The following MAP2K5 variants were observed in gnomAD, a reference collection of about 807,000 sequenced individuals.
MAP2K5 encodes mitogen-activated protein kinase kinase 5, also known as dual specificity mitogen-activated protein kinase kinase 5.
MAP2K5 carries 49 observed loss-of-function variants against 83.1 expected under a neutral mutation model. The observed-to-expected ratio is 0.59, with a 90% CI of 0.47 to 0.75. MAP2K5 has a LOEUF of 0.75. Ranked by LOEUF, MAP2K5 falls within the 30% of genes least tolerant of loss-of-function variation. MAP2K5 has a pLI of 0.00. For synonymous variants in MAP2K5, 202 were observed against 191.8 expected, an observed-to-expected ratio of 1.05 and a Z score of -0.44; for missense variants, 457 against 557.5, an observed-to-expected ratio of 0.82 and a Z score of 1.82.
chr15:67,628,130 T>TTCTCAAAGGAGG, intron 8 of MAP2K5: 1 of 914,544 alleles, frequency 1.1e-6, no homozygotes, highest in Non-Finnish European at 1.7e-6. Context: ...CAAGAGGAGA[T>TTCTCAAAGGAGG]TCTCAAAGAC....
chr15:67,554,996 T>A (rs1218969044), intron 2 of MAP2K5, among the ~76,000 whole-genome samples: 2 of 152,232 alleles, frequency 1.3e-5, no homozygotes, highest in Non-Finnish European at 2.9e-5. Flanking sequence ...CCTGAGGAGC[T>A]GTATTCTTTC....
chr15:67,623,158 G>A (rs932026211), intron 8 of MAP2K5, among the ~76,000 whole-genome samples: 12 of 152,264 alleles, frequency 7.9e-5, no homozygotes, highest in African/African-American at 2.9e-4. Context: ...GGTAGCTTAT[G>A]CCTCATATTT....
At position 67,754,893 on chromosome 15, in the gene MAP2K5, A is replaced by G. The variant is rs116355127; in HGVS notation, c.1134+6292A>G. Among the ~76,000 whole-genome samples, 1,274 of 152,244 alleles carry G rather than the reference A, an allele frequency of 8.4e-3. 19 individuals carry two copies. Among genetic ancestry groups the G allele is most frequent in the African/African-American group, 0.029 (1,220 of 41,540 alleles). On this transcript the variant is annotated intron_variant, in intron 19 of 21. Coordinates refer to ENST00000178640, the MANE Select transcript of MAP2K5 (RefSeq NM_145160.3). The stretch of plus-strand genomic sequence containing the variant: ...GAAGGTTTGACATGTTGAAATCTGT[A>G]TTTTTTTCTAAGACAGTTCTGTTGA...
At chr15:67,621,425 CA>C (rs1470685713) in intron 8 of MAP2K5, among the ~76,000 whole-genome samples, 2 of 34,326 alleles carry the variant, frequency 5.8e-5, no homozygotes, top group East Asian at 8.1e-4. Flanking sequence ...TACTAATGAA[CA>C]AAAGTTTGAA....
At chr15:67,627,812 A>G (rs2086362623) in intron 8 of MAP2K5, 3 of 406,774 alleles carry the variant, frequency 7.4e-6, no homozygotes, top group Non-Finnish European at 9.1e-6. Context: ...TGGACGCCAC[A>G]GAGGAAACAT....
intron 9 of MAP2K5, among the ~76,000 whole-genome samples, chr15:67,634,663 A>G (rs939573356): frequency 1.3e-5 from 2 of 152,094 alleles, no homozygotes; most frequent in African/African-American, 4.8e-5. Flanking sequence ...CCTCATTGAC[A>G]TTATGAAGTA....
intron 20 of MAP2K5, among the ~76,000 whole-genome samples, chr15:67,772,059 A>C (rs1343280707): frequency 6.6e-6 from 1 of 152,252 alleles, no homozygotes; most frequent in African/African-American, 2.4e-5. Flanking sequence ...TTGCATGAAG[A>C]ATGTGATTCT....
Position 67,690,695 on chromosome 15 carries a change from G to A in MAP2K5, c.848-1784G>A, listed in dbSNP as rs1160305454. 1.3e-5 allele frequency among the ~76,000 whole-genome samples: 2 copies of A among 151,930 alleles called. No homozygotes were observed. Among genetic ancestry groups the A allele is most frequent in the African/African-American group, 2.4e-5 (1 of 41,366 alleles). The stretch of plus-strand genomic sequence containing the variant: ...ATTACAGGTGTCCGCCACCACGCCC[G>A]GCTAATTTTTGTATTTTTAGTAGAG... On this transcript the variant is annotated intron_variant, in intron 13 of 21. Transcript: ENST00000178640. The surrounding 1 kb of genome is among the most constrained non-coding windows in gnomAD (Gnocchi z 4.3).
intron 9 of MAP2K5, chr15:67,641,677 TA>T: frequency 4.4e-6 from 4 of 917,880 alleles, no homozygotes; most frequent in Non-Finnish European, 5.2e-6. Flanking sequence ...GTTTCTCACT[TA>T]ACCCTTTCTC....
chr15:67,611,584 G>A (rs927059948), intron 8 of MAP2K5, among the ~76,000 whole-genome samples: 3 of 152,088 alleles, frequency 2.0e-5, no homozygotes, highest in African/African-American at 7.2e-5. Context: ...TCATGTTATG[G>A]CCCCAGCTGT....
chr15:67,736,201 T>C lies in MAP2K5; in HGVS notation c.1074+8256T>C, dbSNP rs1228811105. 6.6e-6 allele frequency among the ~76,000 whole-genome samples: 1 copy of C among 152,034 alleles called. No homozygotes were observed. Among genetic ancestry groups the C allele is most frequent in the East Asian group, 1.9e-4 (1 of 5,184 alleles). ...GTGTAGCAGGGACCAGATAAAGAAA[T>C]TGGGTTTGAGAATTTTGTACATCCC... On this transcript the variant is annotated intron_variant, in intron 17 of 21. Coordinates refer to ENST00000178640, the MANE Select transcript of MAP2K5 (RefSeq NM_145160.3). The surrounding 1 kb of genome is among the most constrained non-coding windows in gnomAD (Gnocchi z 4.3).
chr15:67,631,081 C>T (rs2086463468), intron 9 of MAP2K5, among the ~76,000 whole-genome samples, 154 bp downstream of exon 9: 1 of 152,182 alleles, frequency 6.6e-6, no homozygotes, highest in Non-Finnish European at 1.5e-5. Context: ...GACATTCAGA[C>T]ACCTGAAGAT....
chr15:67,670,191 G>A (rs1222456075), intron 13 of MAP2K5, among the ~76,000 whole-genome samples: 2 of 152,242 alleles, frequency 1.3e-5, no homozygotes, highest in East Asian at 3.9e-4. Context: ...GACTCAAAGG[G>A]TTACCAGCTG....
rs118150125 is a variant in MAP2K5, at chr15:67,770,565, A to G, written c.1196+902A>G. Among the ~76,000 whole-genome samples the G allele has an allele frequency of 3.3e-5, 5 of 152,276 alleles. No individual in the cohort carries two copies. The highest frequency in any genetic ancestry group is 1.9e-4 in the East Asian group (1 of 5,182). The stretch of plus-strand genomic sequence containing the variant: ...GTTGGTCTTCTTTCCCTCCTTCACC[A>G]AAGTCCAGAGTCATGTCCACTGGTG... On this transcript the variant is annotated intron_variant, in intron 20 of 21. Transcript: ENST00000178640. The surrounding 1 kb of genome is among the most constrained non-coding windows in gnomAD (Gnocchi z 5.0).
At chr15:67,729,729 A>C (rs553351735) in intron 17 of MAP2K5, among the ~76,000 whole-genome samples, 1 of 152,142 alleles carries the variant, frequency 6.6e-6, no homozygotes, top group Non-Finnish European at 1.5e-5. Context: ...ACGCCACTGC[A>C]CTCCAGCCTG....
intron 8 of MAP2K5, 74 bp from the exon 9 acceptor site, chr15:67,630,814 T>C: frequency 9.5e-7 from 1 of 1,055,530 alleles, no homozygotes; most frequent in Non-Finnish European, 1.4e-6. Flanking sequence ...TGTTTGGATT[T>C]ACATTTATGT....
rs1183417298 is a variant in MAP2K5, at chr15:67,722,197, G to A, written c.1045-5719G>A. Among the ~76,000 whole-genome samples the A allele has an allele frequency of 6.6e-6, 1 of 152,118 alleles. No individual in the cohort carries two copies. Among genetic ancestry groups the A allele is most frequent in the Non-Finnish European group, 1.5e-5 (1 of 68,028 alleles). ...CTCGCACTTATGCCCCTCCACAGGG[G>A]TTGCAGATTCCACAAGTTATCAGCT... is the stretch of plus-strand genomic sequence containing the variant. On this transcript the variant is annotated intron_variant, in intron 16 of 21. Coordinates refer to ENST00000178640, the MANE Select transcript of MAP2K5 (RefSeq NM_145160.3). The surrounding 1 kb of genome is among the most constrained non-coding windows in gnomAD (Gnocchi z 4.2).
At chr15:67,727,504 C>T (rs1292463769) in intron 16 of MAP2K5, among the ~76,000 whole-genome samples, 4 of 152,184 alleles carry the variant, frequency 2.6e-5, no homozygotes, top group Non-Finnish European at 5.9e-5. Flanking sequence ...TACTACCCTC[C>T]ATTTATACTT....
At position 67,676,411 on chromosome 15, in the gene MAP2K5, C is replaced by T. The variant is rs947031267; in HGVS notation, c.847+11766C>T. On this transcript the variant is annotated intron_variant, in intron 13 of 21. Coordinates refer to ENST00000178640, the MANE Select transcript of MAP2K5 (RefSeq NM_145160.3). This position sits in a 1 kb window ranked among gnomAD's most constrained non-coding sequence, Gnocchi z 4.8. ...GAAGTCATCTTTTGTTCCCCTTTCT[C>T]GTATTAAAGTAAGAGATTTATCCTT... Among the ~76,000 whole-genome samples, 2 of 152,042 alleles carry T rather than the reference C, an allele frequency of 1.3e-5. No individual in the cohort carries two copies. Among genetic ancestry groups the T allele is most frequent in the East Asian group, 1.9e-4 (1 of 5,190 alleles).
Sources: gnomAD v4.1 joint callset for allele counts (sites outside exome capture counted in the v4.1 genomes callset) on GRCh38, gnomAD v4.1.1 for gene constraint, Gnocchi (gnomAD v3.1) non-coding constraint, MANE v1.5 for transcripts, NCBI Gene and HGNC (gene_info 2026-07-23, HGNC 2026-07-21) for gene names.